Variants in MTA3 observed in about 807,000 individuals in gnomAD.
MTA3 encodes the protein metastasis-associated protein MTA3.
Under a neutral mutation model 83.5 loss-of-function variants are expected in MTA3, and 34 were observed. The observed-to-expected ratio is 0.41, with a 90% CI of 0.31 to 0.54. The LOEUF (loss-of-function observed/expected upper bound fraction) is 0.54, where lower values mean the gene tolerates loss of function less well. MTA3 is among the 20% of genes least tolerant of loss of function. The pLI is 0.33. For missense variants in MTA3, 761 were observed against 726.4 expected, an observed-to-expected ratio of 1.05 and a Z score of -0.55; for synonymous variants, 303 against 252.7, an observed-to-expected ratio of 1.20 and a Z score of -1.89.
chr2:42,696,109 T>C (rs959479635), intron 10 of MTA3, among the ~76,000 whole-genome samples: 1 of 152,208 alleles, frequency 6.6e-6, no homozygotes, highest in Non-Finnish European at 1.5e-5. Context: ...CCTTCATCTC[T>C]TTGTAGTTCA....
intron 2 of MTA3, among the ~76,000 whole-genome samples, chr2:42,528,252 G>C (rs1156833488): frequency 7.1e-6 from 1 of 141,372 alleles, no homozygotes. Context: ...ATAGAGTCTT[G>C]CTCTGTTGCC....
At chr2:42,606,419 A>ACGGGGCGGCG (rs1683416675) in intron 3 of MTA3, among the ~76,000 whole-genome samples, 1 of 148,902 alleles carries the variant, frequency 6.7e-6, no homozygotes, top group Non-Finnish European at 1.5e-5. Flanking sequence ...CACCTCCCAG[A>ACGGGGCGGCG]CGGGGCGGCG....
chr2:42,494,379 A>G (rs1674033449), upstream of MTA3, among the ~76,000 whole-genome samples: 1 of 150,592 alleles, frequency 6.6e-6, no homozygotes, highest in Non-Finnish European at 1.5e-5. Flanking sequence ...GGGTGCGGGG[A>G]CAGACGGCGT....
upstream of MTA3, chr2:42,568,121 G>A (rs910661147): frequency 6.6e-6 from 1 of 152,262 alleles, no homozygotes; most frequent in Non-Finnish European, 1.5e-5. Context: ...GAATCTCACC[G>A]CGAGGAAGGC....
chr2:42,671,964 A>T (rs959731059), intron 8 of MTA3, among the ~76,000 whole-genome samples: 1 of 152,200 alleles, frequency 6.6e-6, no homozygotes, highest in Non-Finnish European at 1.5e-5. Flanking sequence ...CTCATGATAA[A>T]GGCCAAGATC....
chr2:42,662,580 C>G (rs896109947), intron 8 of MTA3, among the ~76,000 whole-genome samples: 3 of 151,576 alleles, frequency 2.0e-5, no homozygotes, highest in Non-Finnish European at 4.4e-5. Flanking sequence ...GACTTTTAAT[C>G]TATTCTCTTT....
intron 4 of MTA3, 85 bp downstream of exon 4, chr2:42,609,669 C>T (rs963970711): frequency 7.0e-7 from 1 of 1,434,916 alleles, no homozygotes; most frequent in African/African-American, 1.4e-5. Flanking sequence ...CCAGACTCTT[C>T]TCAGGATCTT....
chr2:42,668,678 C>T (rs1690514741), intron 8 of MTA3, among the ~76,000 whole-genome samples: 1 of 152,146 alleles, frequency 6.6e-6, no homozygotes, highest in African/African-American at 2.4e-5. Flanking sequence ...GGTATTTTGT[C>T]ATGCCGTGTT....
At chr2:42,617,637 C>A (rs1378688898) in intron 4 of MTA3, among the ~76,000 whole-genome samples, 1 of 151,906 alleles carries the variant, frequency 6.6e-6, no homozygotes, top group African/African-American at 2.4e-5. Flanking sequence ...TTAGCCGGGC[C>A]TGGTGGCGCA....
chr2:42,633,899 A>C (rs1038925064), intron 4 of MTA3, among the ~76,000 whole-genome samples: 44 of 152,264 alleles, frequency 2.9e-4, no homozygotes, highest in African/African-American at 9.1e-4. Flanking sequence ...AAAAAAAAAA[A>C]AAACATATTC....
intron 8 of MTA3, among the ~76,000 whole-genome samples, chr2:42,667,115 C>T (rs1354261835): frequency 2.6e-5 from 4 of 152,084 alleles, no homozygotes; most frequent in African/African-American, 7.2e-5. Flanking sequence ...TGCTGTGTTG[C>T]CCAGGCCAGA....
At chr2:42,560,144 T>G (rs1677595568) in intron 2 of MTA3, among the ~76,000 whole-genome samples, 1 of 152,084 alleles carries the variant, frequency 6.6e-6, no homozygotes, top group African/African-American at 2.4e-5. Flanking sequence ...CGCCTCAGCC[T>G]TCTGAGCAGC....
chr2:42,700,250 G>A (rs1382689020), intron 11 of MTA3, among the ~76,000 whole-genome samples: 3 of 151,978 alleles, frequency 2.0e-5, no homozygotes, highest in Non-Finnish European at 4.4e-5. Context: ...GAAGGTTTGA[G>A]CGTTAGATAA....
At chr2:42,615,428 T>A (rs1684744990) in intron 4 of MTA3, among the ~76,000 whole-genome samples, 1 of 152,004 alleles carries the variant, frequency 6.6e-6, no homozygotes, top group African/African-American at 2.4e-5. Context: ...CGATCTCGAT[T>A]CACTGCAACC....
At chr2:42,691,466 T>C (rs1020968612) in intron 9 of MTA3, among the ~76,000 whole-genome samples, 2 of 152,236 alleles carry the variant, frequency 1.3e-5, no homozygotes, top group Non-Finnish European at 2.9e-5. Flanking sequence ...CTGTGTCTTA[T>C]TGTACTATGT....
intron 2 of MTA3, among the ~76,000 whole-genome samples, chr2:42,577,105 A>AAAAAAAAAAATATATATATATATATAT (rs1211189566): frequency 1.2e-5 from 1 of 86,950 alleles, no homozygotes; most frequent in African/African-American, 5.5e-5. Flanking sequence ...AAAAAAAAAA[A>AAAAAAAAAAATATATATATATATATAT]ATATATATAT....
chr2:42,697,714 C>A, intron 10 of MTA3, 62 bp from the exon 11 acceptor site: 1 of 1,128,890 alleles, frequency 8.9e-7, no homozygotes, highest in Non-Finnish European at 1.3e-6. Flanking sequence ...ATTTTTAAGA[C>A]AATGAACAGT....
intron 12 of MTA3, among the ~76,000 whole-genome samples, chr2:42,706,473 G>T (rs1666091599): frequency 6.6e-6 from 1 of 152,102 alleles, no homozygotes. Context: ...TGTTATTCCC[G>T]ATAAACATGA....
Position 42,500,235 on chromosome 2 carries a change from C to T in MTA3, c.-141+4981C>T, listed in dbSNP as rs187308720. On this transcript the variant is annotated intron_variant, in intron 2 of 17. Transcript: ENST00000405592. Reference sequence around the variant, plus strand: ...CCAACATAGTGAAACCCCATCTGTACTCAAAATACAAAAATTAGCTGGACG... The same window carrying T: ...CCAACATAGTGAAACCCCATCTGTATTCAAAATACAAAAATTAGCTGGACG... Among the ~76,000 whole-genome samples, 5 of 152,234 alleles carry T rather than the reference C, an allele frequency of 3.3e-5. No individual in the cohort carries two copies. The East Asian group carries it at 9.7e-4, about 29-fold the overall frequency.
Sources: gnomAD v4.1 joint callset for allele counts (sites outside exome capture counted in the v4.1 genomes callset) on GRCh38, gnomAD v4.1.1 for gene constraint, MANE v1.5 for transcripts, NCBI Gene and HGNC (gene_info 2026-07-23, HGNC 2026-07-21) for gene names.